Variants in LRRC4C observed in about 807,000 individuals in gnomAD.
The protein encoded by LRRC4C is leucine rich repeat containing 4C.
In LRRC4C, 5 loss-of-function variants were observed where a neutral mutation model predicts 33.6. That is an observed-to-expected ratio of 0.15 (90% CI 0.08 to 0.31). The LOEUF is 0.31. Ranked by LOEUF, LRRC4C falls within the 10% of genes least tolerant of loss-of-function variation. The probability of loss-of-function intolerance (pLI) is 1.00; values close to 1 mark genes in which losing one functional copy is unlikely to be tolerated. For synonymous variants in LRRC4C, 329 were observed against 302.0 expected (o/e 1.09, Z -0.93); for missense variants, 560 against 796.7 (o/e 0.70, Z 3.58).
intron 3 of LRRC4C, among the ~76,000 whole-genome samples, chr11:40,393,957 GT>G (rs1052638283): frequency 3.3e-5 from 5 of 151,806 alleles, no homozygotes; most frequent in African/African-American, 4.8e-5. Flanking sequence ...AAATGGATCA[GT>G]TTTTTTTAAC....
At chr11:41,173,491 C>T (rs1199214417) in intron 1 of LRRC4C, among the ~76,000 whole-genome samples, 2 of 152,102 alleles carry the variant, frequency 1.3e-5, no homozygotes, top group East Asian at 3.9e-4. Flanking sequence ...TCAAAATGGG[C>T]CTAGCCATAT....
chr11:40,671,856 G>A (rs996680288), intron 2 of LRRC4C, among the ~76,000 whole-genome samples: 5 of 151,546 alleles, frequency 3.3e-5, no homozygotes, highest in Non-Finnish European at 5.9e-5. Context: ...TACATTCATT[G>A]TACTTATTCC....
At chr11:40,426,348 C>A (rs1021505638) in intron 3 of LRRC4C, among the ~76,000 whole-genome samples, 1 of 151,156 alleles carries the variant, frequency 6.6e-6, no homozygotes, top group African/African-American at 2.4e-5. Context: ...TACCCTACAA[C>A]TCTCATATTC....
chr11:40,161,928 C>T (rs921294185), intron 5 of LRRC4C, among the ~76,000 whole-genome samples: 1 of 152,194 alleles, frequency 6.6e-6, no homozygotes, highest in South Asian at 2.1e-4. Context: ...GCTGCTATAA[C>T]ACAATTCCTG....
chr11:41,322,813 C>T (rs931366466), intron 1 of LRRC4C, among the ~76,000 whole-genome samples: 3 of 152,116 alleles, frequency 2.0e-5, no homozygotes, highest in African/African-American at 7.2e-5. Context: ...CATGTGAACA[C>T]CTGCTTCCAT....
chr11:40,924,775 A>T (rs1957344107), intron 2 of LRRC4C, among the ~76,000 whole-genome samples: 1 of 152,186 alleles, frequency 6.6e-6, no homozygotes, highest in Non-Finnish European at 1.5e-5. Flanking sequence ...GTGTACAATT[A>T]TGGATCAATA....
intron 3 of LRRC4C, among the ~76,000 whole-genome samples, chr11:40,345,700 G>T (rs1947095546): frequency 6.6e-6 from 1 of 152,052 alleles, no homozygotes; most frequent in Non-Finnish European, 1.5e-5. Flanking sequence ...TTACCAAGTG[G>T]GACCTAGTTA....
intron 2 of LRRC4C, among the ~76,000 whole-genome samples, chr11:40,878,169 C>A (rs535156819): frequency 7.2e-5 from 11 of 151,758 alleles, no homozygotes; most frequent in Non-Finnish European, 1.2e-4. Context: ...ATGGGTGGAC[C>A]GCGTGTAGAC....
At chr11:40,672,018 CAAGTT>C (rs1316185706) in intron 2 of LRRC4C, among the ~76,000 whole-genome samples, 1 of 152,116 alleles carries the variant, frequency 6.6e-6, no homozygotes, top group Non-Finnish European at 1.5e-5. Context: ...CAAGACTAGT[CAAGTT>C]GTTAGTTACT....
rs79390010 is a variant in LRRC4C, at chr11:40,303,924, A to G, written c.-176+15704T>C. Among the ~76,000 whole-genome samples the G allele has an allele frequency of 3.5e-3, 528 of 152,320 alleles. 4 individuals are homozygous for G. The highest frequency in any genetic ancestry group is 0.012 in the African/African-American group (489 of 41,584). ...ATATTATTCAACCTTTCATAAACCA[A>G]TTGTCTTAAACCATAATTGCAGGAA... On this transcript the variant is annotated intron_variant, in intron 4 of 6. Coordinates refer to ENST00000528697, the MANE Select transcript of LRRC4C (RefSeq NM_001258419.2).
chr11:41,046,054 G>A lies in LRRC4C; in HGVS notation c.-495-112331C>T, dbSNP rs1590344166. On this transcript the variant is annotated intron_variant, in intron 1 of 6. Transcript: ENST00000528697. ...CAAAGAAATTTATTTTGCTTTATGA[G>A]CATAAATATTTGAACTGGCCATATT... is the stretch of plus-strand genomic sequence containing the variant. 2.0e-5 allele frequency among the ~76,000 whole-genome samples: 3 copies of A among 152,116 alleles called. No homozygotes were observed. In the South Asian group the frequency reaches 6.2e-4, roughly 32 times the overall value.
At chr11:40,469,853 C>T (rs1046079206) in intron 3 of LRRC4C, among the ~76,000 whole-genome samples, 1 of 152,188 alleles carries the variant, frequency 6.6e-6, no homozygotes, top group African/African-American at 2.4e-5. Context: ...CTGGGAAGGG[C>T]ATCCCTGAAA....
chr11:40,249,196 G>C (rs983169494), intron 4 of LRRC4C, among the ~76,000 whole-genome samples: 1 of 152,012 alleles, frequency 6.6e-6, no homozygotes, highest in Non-Finnish European at 1.5e-5. Context: ...AAAATTAGCC[G>C]GGTGTGGTGG....
chr11:40,720,388 C>T (rs753717903), intron 2 of LRRC4C, among the ~76,000 whole-genome samples: 2 of 152,092 alleles, frequency 1.3e-5, no homozygotes, highest in Non-Finnish European at 2.9e-5. Flanking sequence ...AATGACAAAA[C>T]GAAAACAGCT....
intron 3 of LRRC4C, among the ~76,000 whole-genome samples, chr11:40,525,938 G>A (rs895027952): frequency 2.0e-5 from 3 of 152,106 alleles, no homozygotes; most frequent in African/African-American, 7.2e-5. Context: ...TCACACATAT[G>A]TTATCACTTT....
Position 41,301,105 on chromosome 11 carries a change from C to G in LRRC4C, c.-496+158326G>C, listed in dbSNP as rs75958723. 4.3e-3 allele frequency among the ~76,000 whole-genome samples: 653 copies of G among 152,284 alleles called. 3 individuals are homozygous for G. Among genetic ancestry groups the G allele is most frequent in the African/African-American group, 0.014 (575 of 41,544 alleles). On this transcript the variant is annotated intron_variant, in intron 1 of 6. Coordinates refer to ENST00000528697, the MANE Select transcript of LRRC4C (RefSeq NM_001258419.2). ...ACTGAATTAGCTGATTCTCTCGATT[C>G]TCTGTAAATGTGCTATGCTTATTCA...
chr11:40,617,081 C>G (rs55982257), intron 3 of LRRC4C, among the ~76,000 whole-genome samples: 3,138 of 151,826 alleles, frequency 0.021, 105 homozygotes, highest in African/African-American at 0.072. Flanking sequence ...TCACCCACAT[C>G]TAGGTGAAGA....
Position 40,914,499 on chromosome 11 carries a change from C to A in LRRC4C, c.-407+19136G>T, listed in dbSNP as rs36158899. Among the ~76,000 whole-genome samples the A allele has an allele frequency of 9.2e-3, 1,400 of 152,188 alleles. 16 individuals carry two copies. Among genetic ancestry groups the A allele is most frequent in the Non-Finnish European group, 0.015 (1,042 of 68,010 alleles). ...AAGGCCTTAGACAAAATTCGACAAC[C>A]CTTCATGCTAATAACTCTCAATAAA... On this transcript the variant is annotated intron_variant, in intron 2 of 6. Coordinates refer to ENST00000528697, the MANE Select transcript of LRRC4C (RefSeq NM_001258419.2).
At chr11:40,972,560 G>A (rs1851798884) in intron 1 of LRRC4C, among the ~76,000 whole-genome samples, 1 of 152,116 alleles carries the variant, frequency 6.6e-6, no homozygotes, top group South Asian at 2.1e-4. Flanking sequence ...AGTTTATAAA[G>A]GAAATAGGTT....
Sources: allele counts gnomAD v4.1 joint callset (sites outside exome capture counted in the v4.1 genomes callset), GRCh38; gene constraint gnomAD v4.1.1; transcripts MANE v1.5; gene names NCBI Gene and HGNC (gene_info 2026-07-23, HGNC 2026-07-21).